ESRP1: variants seen among roughly 807,000 people sequenced by gnomAD.
ESRP1 encodes the protein epithelial splicing regulatory protein 1.
Under a neutral mutation model 81.7 loss-of-function variants are expected in ESRP1, and 33 were observed. That is an observed-to-expected ratio of 0.40 (90% CI 0.31 to 0.54). ESRP1 has a LOEUF of 0.54. Ranked by LOEUF, ESRP1 falls within the 20% of genes least tolerant of loss-of-function variation. The pLI is 0.41. For missense variants in ESRP1, 672 were observed against 833.1 expected (o/e 0.81, Z 2.38); for synonymous variants, 320 against 303.3 (o/e 1.06, Z -0.57).
chr8:94,649,749 G>GT lies in ESRP1; in HGVS notation c.490+3469dup, dbSNP rs1292989967. On this transcript the variant is annotated intron_variant, in intron 4 of 15. Transcript: ENST00000433389. ...GCTGGTCTCCAACTCTTGAGCTCAA[G>GT]TTATCCACCCATCTCGGCCTCCCAA... 5.3e-5 allele frequency: 8 copies of GT among 152,320 alleles called. No homozygotes were observed. In the East Asian group the frequency reaches 1.5e-3, roughly 29 times the overall value. The allele number at this position is 152,320 out of a possible 1,614,324, so 9.4% of individuals were successfully genotyped here.
At chr8:94,650,258 G>C (rs1250756400) in intron 4 of ESRP1, among the ~76,000 whole-genome samples, 1 of 80,212 alleles carries the variant, frequency 1.2e-5, no homozygotes, top group African/African-American at 2.8e-5. Flanking sequence ...TTTTTTGTTT[G>C]TTTTGTTTTT....
chr8:94,659,380 C>T (rs1818601434), intron 4 of ESRP1, among the ~76,000 whole-genome samples: 1 of 152,132 alleles, frequency 6.6e-6, no homozygotes, highest in East Asian at 1.9e-4. Flanking sequence ...CACCATAAAG[C>T]AGGGCCATAT....
rs745532112 is a variant in ESRP1 at position 94,667,966 on chromosome 8, G to A, written c.949G>A (p.Ala317Thr). 6.2e-7 allele frequency: 1 copy of A among 1,600,424 alleles called. No homozygotes were observed. Among genetic ancestry groups the A allele is most frequent in the African/African-American group, 1.3e-5 (1 of 74,652 alleles). ...KIAGGTSNEV[A>T]QFLSKENQVI... ...TTCCCTAGGTACTTCCAATGAGGTA[G>A]CCCAGTTTCTCTCCAAGGAAAATCA... Residue 317 changes from alanine to threonine, a missense_variant, in exon 10 of 16, where the codon GCC (alanine) becomes ACC (threonine). Ala to Thr is a moderately conservative substitution (Grantham distance 58). Coordinates refer to ENST00000433389, the MANE Select transcript of ESRP1 (RefSeq NM_017697.4).
intron 4 of ESRP1, among the ~76,000 whole-genome samples, chr8:94,647,472 C>T (rs895454001): frequency 1.3e-5 from 2 of 152,142 alleles, no homozygotes; most frequent in African/African-American, 4.8e-5. Flanking sequence ...CTGGGATGTC[C>T]AAGATCAGGG....
intron 10 of ESRP1, among the ~76,000 whole-genome samples, chr8:94,670,421 C>T (rs1010326982): frequency 5.3e-5 from 8 of 151,916 alleles, no homozygotes; most frequent in Non-Finnish European, 1.2e-4. Flanking sequence ...TTTTTCATGC[C>T]GTTTCTCTGG....
intron 15 of ESRP1, among the ~76,000 whole-genome samples, chr8:94,701,425 A>G (rs1311699246): frequency 6.6e-6 from 1 of 152,120 alleles, no homozygotes; most frequent in Non-Finnish European, 1.5e-5. Flanking sequence ...ACACACGTTG[A>G]CTATCCCACT....
At chr8:94,668,799 G>GTGTGTGTGTGTGTGTA (rs1363939822) in intron 10 of ESRP1, among the ~76,000 whole-genome samples, 2 of 151,392 alleles carry the variant, frequency 1.3e-5, no homozygotes, top group Non-Finnish European at 2.9e-5. Flanking sequence ...ATGTGTGTGT[G>GTGTGTGTGTGTGTGTA]TGTGTGTGTT....
chr8:94,675,273 G>C (rs1819534161), intron 12 of ESRP1, among the ~76,000 whole-genome samples: 1 of 152,140 alleles, frequency 6.6e-6, no homozygotes, highest in Admixed American at 6.5e-5. Flanking sequence ...ACCTTCTTAG[G>C]CCTGTTGGGT....
chr8:94,644,910 AT>A (rs1296390131), intron 3 of ESRP1, among the ~76,000 whole-genome samples: 2 of 152,112 alleles, frequency 1.3e-5, no homozygotes, highest in Non-Finnish European at 2.9e-5. Context: ...ATTCTTCTAG[AT>A]TTCTGTAGAC....
At chr8:94,669,111 T>C (rs955242855) in intron 10 of ESRP1, among the ~76,000 whole-genome samples, 5 of 152,162 alleles carry the variant, frequency 3.3e-5, no homozygotes, top group African/African-American at 1.2e-4. Context: ...AGGCACAAAA[T>C]GAGGCAATCA....
chr8:94,696,446 C>T (rs902994525), intron 14 of ESRP1, among the ~76,000 whole-genome samples: 2 of 152,194 alleles, frequency 1.3e-5, no homozygotes, highest in African/African-American at 4.8e-5. Context: ...ATCTAAAATT[C>T]ACTGCATTGT....
At chr8:94,691,613 G>A (rs1250680339) in intron 13 of ESRP1, among the ~76,000 whole-genome samples, 1 of 152,134 alleles carries the variant, frequency 6.6e-6, no homozygotes, top group Admixed American at 6.5e-5. Flanking sequence ...CAGAGTCTGG[G>A]ACTGGAGGCA....
intron 10 of ESRP1, among the ~76,000 whole-genome samples, chr8:94,669,430 CAA>C (rs1227785617): frequency 6.6e-6 from 1 of 152,108 alleles, no homozygotes; most frequent in Non-Finnish European, 1.5e-5. Flanking sequence ...AATAATTATG[CAA>C]AGTTAAGAAC....
rs371810374 is a variant in ESRP1 at position 94,671,578 on chromosome 8, C to T, written c.1359C>T (p.Pro453=). ...ACTGTATACGCCTTCGAGGTCTTCC[C>T]TATGCAGCCACAATTGAGGACATCC... ...VRDCIRLRGL[P]YAATIEDILD... is the part of the protein sequence containing the mutation. Residue 453 remains proline (P), a synonymous_variant, in exon 11 of 16, where the codon CCC becomes CCT. Transcript: ENST00000433389. 9 of 1,613,868 alleles carry T rather than the reference C, an allele frequency of 5.6e-6. No homozygotes were observed. Among genetic ancestry groups the T allele is most frequent in the Non-Finnish European group, 6.8e-6 (8 of 1,179,900 alleles).
intron 12 of ESRP1, among the ~76,000 whole-genome samples, chr8:94,674,804 T>C (rs1445167661): frequency 6.6e-6 from 1 of 152,226 alleles, no homozygotes; most frequent in Non-Finnish European, 1.5e-5. Context: ...GGAGGCAACC[T>C]GGCTATATAG....
chr8:94,686,145 T>C (rs990478446), intron 13 of ESRP1, among the ~76,000 whole-genome samples: 4 of 152,124 alleles, frequency 2.6e-5, no homozygotes, highest in African/African-American at 9.7e-5. Flanking sequence ...GCCAGAGTGG[T>C]CTCGAATTCC....
intron 14 of ESRP1, 59 bp from the exon 15 acceptor site, chr8:94,696,793 T>C: frequency 2.3e-6 from 3 of 1,305,056 alleles, no homozygotes; most frequent in Non-Finnish European, 3.2e-6. Flanking sequence ...AGCTGAAATA[T>C]TATCCATAGT....
At chr8:94,697,383 CCT>C (rs753207216) in intron 15 of ESRP1, among the ~76,000 whole-genome samples, 2 of 152,082 alleles carry the variant, frequency 1.3e-5, no homozygotes, top group African/African-American at 2.4e-5. Context: ...TTTGTCACTC[CCT>C]GTTTTCTCTC....
At chr8:94,682,072 T>A (rs7017996) in intron 13 of ESRP1, among the ~76,000 whole-genome samples, 62,493 of 152,076 alleles carry the variant, frequency 0.41, 12,998 homozygotes, top group East Asian at 0.56. Flanking sequence ...GGTTTCAGTT[T>A]TCCAGTGACT....
Sources: gnomAD v4.1 joint callset for allele counts (sites outside exome capture counted in the v4.1 genomes callset) on GRCh38, gnomAD v4.1.1 for gene constraint, MANE v1.5 for transcripts, NCBI Gene and HGNC (gene_info 2026-07-23, HGNC 2026-07-21) for gene names.